NELL1: variants seen among roughly 807,000 people sequenced by gnomAD.
NELL1 encodes neural EGFL like 1.
A neutral mutation model predicts 107.4 loss-of-function variants in NELL1; 76 were observed. The observed-to-expected ratio is 0.71, with a 90% CI of 0.59 to 0.86. NELL1 has a LOEUF of 0.86. Among genes scored for constraint, NELL1 ranks in the 40% least tolerant of loss-of-function variants. The pLI is 0.00. For synonymous variants in NELL1, 353 were observed against 341.2 expected, an observed-to-expected ratio of 1.03 and a Z score of -0.38; for missense variants, 1,024 against 1,005.5, an observed-to-expected ratio of 1.02 and a Z score of -0.25.
chr11:20,715,859 C>A (rs1019771175), intron 2 of NELL1, among the ~76,000 whole-genome samples: 1 of 151,932 alleles, frequency 6.6e-6, no homozygotes, highest in Non-Finnish European at 1.5e-5. Context: ...TTCAATGTAG[C>A]CTTTGTGGAT....
intron 12 of NELL1, among the ~76,000 whole-genome samples, chr11:21,006,506 A>G (rs1565011143): frequency 6.6e-6 from 1 of 152,112 alleles, no homozygotes; most frequent in Non-Finnish European, 1.5e-5. Flanking sequence ...TTTCTTCTGT[A>G]TGTTATTTTC....
intron 5 of NELL1, among the ~76,000 whole-genome samples, chr11:20,913,009 A>T (rs948028975): frequency 2.0e-5 from 3 of 152,142 alleles, no homozygotes; most frequent in African/African-American, 7.2e-5. Context: ...GTTTTTATTG[A>T]TCATAATGAA....
intron 14 of NELL1, among the ~76,000 whole-genome samples, chr11:21,333,394 T>C (rs980287166): frequency 6.6e-6 from 1 of 152,040 alleles, no homozygotes; most frequent in Non-Finnish European, 1.5e-5. Context: ...ACGGCCACCA[T>C]CATTGTTGTG....
chr11:21,395,631 C>T lies in NELL1; in HGVS notation c.1645+24683C>T, dbSNP rs184862283. 1.2e-3 allele frequency among the ~76,000 whole-genome samples: 188 copies of T among 151,508 alleles called. 1 individual carries two copies. The highest frequency in any genetic ancestry group is 3.1e-3 in the African/African-American group (128 of 41,444). On this transcript the variant is annotated intron_variant, in intron 15 of 19. Transcript: ENST00000357134. The stretch of plus-strand genomic sequence containing the variant: ...AAATTTCTTCATGATACAGTGGAAT[C>T]GCTTCTATTATTCTAGTAATAGTAA...
intron 15 of NELL1, among the ~76,000 whole-genome samples, chr11:21,387,357 C>T (rs1387161020): frequency 6.6e-6 from 1 of 151,790 alleles, no homozygotes; most frequent in African/African-American, 2.4e-5. Context: ...TTGTCTCTTC[C>T]TCCCACTTGA....
chr11:21,485,526 G>C (rs1378615875), intron 15 of NELL1, among the ~76,000 whole-genome samples: 1 of 151,976 alleles, frequency 6.6e-6, no homozygotes, highest in Admixed American at 6.6e-5. Context: ...GAGAAGGGAA[G>C]CTAGGCAATG....
intron 15 of NELL1, among the ~76,000 whole-genome samples, chr11:21,423,468 CAAAA>C (rs761693905): frequency 2.7e-5 from 4 of 149,260 alleles, no homozygotes; most frequent in Non-Finnish European, 2.9e-5. Context: ...TAATAAAAAA[CAAAA>C]ATAAATAAAA....
At chr11:20,803,608 C>T (rs1021339755) in intron 3 of NELL1, among the ~76,000 whole-genome samples, 1 of 151,998 alleles carries the variant, frequency 6.6e-6, no homozygotes, top group African/African-American at 2.4e-5. Context: ...TTTGGTCTTG[C>T]TTTTCTAGTT....
At chr11:20,702,982 T>G (rs994614751) in intron 2 of NELL1, among the ~76,000 whole-genome samples, 1 of 152,192 alleles carries the variant, frequency 6.6e-6, no homozygotes, top group African/African-American at 2.4e-5. Context: ...TTTTTTGTTG[T>G]GTCTCTGCCA....
chr11:20,813,510 T>C (rs574079919), intron 3 of NELL1, among the ~76,000 whole-genome samples: 62 of 152,354 alleles, frequency 4.1e-4, no homozygotes, highest in African/African-American at 1.4e-3. Flanking sequence ...CTTTTAGTTC[T>C]GCTCCGATTT....
chr11:21,539,179 C>T (rs1005488766), intron 16 of NELL1, among the ~76,000 whole-genome samples: 7 of 152,110 alleles, frequency 4.6e-5, no homozygotes, highest in Non-Finnish European at 8.8e-5. Flanking sequence ...CTGCCATGTG[C>T]TCCCAAACTC....
chr11:20,892,638 G>T (rs1001798796), intron 5 of NELL1, among the ~76,000 whole-genome samples: 3 of 152,172 alleles, frequency 2.0e-5, no homozygotes, highest in Non-Finnish European at 2.9e-5. Flanking sequence ...GCGGCCGGGC[G>T]CAGTGGCTCA....
intron 3 of NELL1, among the ~76,000 whole-genome samples, chr11:20,818,924 C>T (rs556648573): frequency 3.0e-4 from 45 of 152,244 alleles, no homozygotes; most frequent in Non-Finnish European, 5.0e-4. Context: ...TTAATCTGTA[C>T]AAAACAGTAA....
At chr11:21,027,493 T>G (rs1745978155) in intron 12 of NELL1, among the ~76,000 whole-genome samples, 1 of 151,240 alleles carries the variant, frequency 6.6e-6, no homozygotes, top group Non-Finnish European at 1.5e-5. Flanking sequence ...TTACATGAAG[T>G]CCATTCCTAG....
intron 12 of NELL1, among the ~76,000 whole-genome samples, chr11:20,984,116 G>A (rs912711964): frequency 2.6e-5 from 4 of 151,924 alleles, no homozygotes; most frequent in South Asian, 2.1e-4. Context: ...TTTCCAATAT[G>A]CATTCTCCTA....
intron 14 of NELL1, among the ~76,000 whole-genome samples, chr11:21,273,963 G>C (rs916326895): frequency 2.6e-5 from 4 of 152,190 alleles, no homozygotes; most frequent in African/African-American, 9.7e-5. Flanking sequence ...AAATTGTAAA[G>C]ACTATCGAGG....
intron 12 of NELL1, among the ~76,000 whole-genome samples, chr11:21,030,937 C>T (rs1331969794): frequency 6.6e-6 from 1 of 152,100 alleles, no homozygotes; most frequent in Non-Finnish European, 1.5e-5. Context: ...TGCTGTGTTG[C>T]CCAGGCTGGA....
At chr11:20,902,554 G>T (rs1430695543) in intron 5 of NELL1, among the ~76,000 whole-genome samples, 39 of 152,220 alleles carry the variant, frequency 2.6e-4, no homozygotes. Context: ...AATAGAGAGG[G>T]AAATTTGGGG....
intron 16 of NELL1, among the ~76,000 whole-genome samples, chr11:21,546,416 T>C: frequency 6.6e-6 from 1 of 152,002 alleles, no homozygotes; most frequent in East Asian, 1.9e-4. Context: ...ATCATTGATA[T>C]GGTTTGGCCA....
Sources: gnomAD v4.1 joint callset for allele counts (sites outside exome capture counted in the v4.1 genomes callset) on GRCh38, gnomAD v4.1.1 for gene constraint, MANE v1.5 for transcripts, NCBI Gene and HGNC (gene_info 2026-07-23, HGNC 2026-07-21) for gene names.